The following DOCK3 variants were observed in gnomAD, a reference collection of about 807,000 sequenced individuals.
DOCK3 encodes the protein dedicator of cytokinesis protein 3.
In DOCK3, 60 loss-of-function variants were observed where a neutral mutation model predicts 265.6. The ratio of observed to expected loss-of-function variants is 0.23; its 90% CI spans 0.18 to 0.28. DOCK3 has a LOEUF of 0.28. Ranked by LOEUF, DOCK3 falls within the 10% of genes least tolerant of loss-of-function variation. The pLI is 1.00. For synonymous variants in DOCK3, 881 were observed against 938.0 expected (o/e 0.94, Z 1.11); for missense variants, 1,981 against 2,594.3 (o/e 0.76, Z 5.14).
chr3:50,676,198 A>C (rs2033943705), intron 1 of DOCK3, among the ~76,000 whole-genome samples: 1 of 152,366 alleles, frequency 6.6e-6, no homozygotes, highest in East Asian at 1.9e-4. Context: ...CTGTCTAAAC[A>C]TAGATTTTTG....
At chr3:51,340,861 A>G (rs1046941762) in intron 37 of DOCK3, among the ~76,000 whole-genome samples, 1 of 152,196 alleles carries the variant, frequency 6.6e-6, no homozygotes. Flanking sequence ...AGAAGGTTGG[A>G]AAGGAAGCTG....
intron 9 of DOCK3, among the ~76,000 whole-genome samples, chr3:51,098,312 C>T (rs772445321): frequency 2.0e-5 from 3 of 152,220 alleles, no homozygotes; most frequent in Non-Finnish European, 4.4e-5. Flanking sequence ...GCCTTGGCCT[C>T]CCAAAATGTT....
chr3:51,207,129 A>AT (rs1037832265), intron 12 of DOCK3, among the ~76,000 whole-genome samples: 4 of 152,142 alleles, frequency 2.6e-5, no homozygotes, highest in African/African-American at 9.7e-5. Flanking sequence ...TAAGAAGGAA[A>AT]TGGGCTGAAG....
intron 5 of DOCK3, among the ~76,000 whole-genome samples, chr3:51,009,995 A>C (rs1444258604): frequency 1.3e-5 from 2 of 152,154 alleles, no homozygotes; most frequent in Non-Finnish European, 2.9e-5. Flanking sequence ...GTTTGTTATA[A>C]TTTCTATTCT....
intron 5 of DOCK3, among the ~76,000 whole-genome samples, chr3:51,029,878 C>T (rs2079976926): frequency 6.6e-6 from 1 of 152,060 alleles, no homozygotes; most frequent in Non-Finnish European, 1.5e-5. Context: ...TCTGAAGGGG[C>T]AGGTTCAGCA....
chr3:51,252,805 C>T lies in DOCK3; in HGVS notation c.2184+5998C>T, dbSNP rs2079326975. ...TCCAAATATACAATCATGTCGTCTG[C>T]AAACAGGGACAATTTGACTTCCTCT... is the stretch of plus-strand genomic sequence containing the variant. On this transcript the variant is annotated intron_variant, in intron 22 of 52. Coordinates refer to ENST00000266037, the MANE Select transcript of DOCK3 (RefSeq NM_004947.5). 2.0e-5 allele frequency among the ~76,000 whole-genome samples: 3 copies of T among 152,214 alleles called. No individual in the cohort carries two copies. The South Asian group carries it at 6.2e-4, about 31-fold the overall frequency.
intron 10 of DOCK3, among the ~76,000 whole-genome samples, chr3:51,155,040 G>C (rs1017881357): frequency 6.6e-6 from 1 of 152,106 alleles, no homozygotes; most frequent in South Asian, 2.1e-4. Flanking sequence ...GCAGTGGCCT[G>C]ATCATAGCTC....
chr3:51,048,558 T>C (rs776117699), intron 5 of DOCK3, among the ~76,000 whole-genome samples: 2 of 152,222 alleles, frequency 1.3e-5, no homozygotes, highest in African/African-American at 2.4e-5. Flanking sequence ...CTTTGTATAA[T>C]ATTTTAAATA....
chr3:51,056,207 G>A (rs766018231), intron 5 of DOCK3, among the ~76,000 whole-genome samples: 1 of 152,098 alleles, frequency 6.6e-6, no homozygotes, highest in African/African-American at 2.4e-5. Context: ...TAAAATGAAA[G>A]TTTAGATTCC....
At chr3:51,346,921 G>C (rs1377957356) in intron 38 of DOCK3, among the ~76,000 whole-genome samples, 1 of 152,164 alleles carries the variant, frequency 6.6e-6, no homozygotes, top group Non-Finnish European at 1.5e-5. Flanking sequence ...GTGTCTGTTG[G>C]CTACATAAAT....
chr3:50,895,722 G>A (rs2048863880), intron 4 of DOCK3, among the ~76,000 whole-genome samples: 1 of 151,932 alleles, frequency 6.6e-6, no homozygotes, highest in Admixed American at 6.6e-5. Context: ...ATGTCCATGT[G>A]TTCTCACTGT....
In DOCK3 at chr3:51,069,166, T is replaced by G. The variant is rs188564384; in HGVS notation, c.464+4570T>G. Among the ~76,000 whole-genome samples, 232 of 152,306 alleles carry G rather than the reference T, an allele frequency of 1.5e-3. 1 individual carries two copies. The highest frequency in any genetic ancestry group is 2.8e-3 in the Non-Finnish European group (192 of 68,016). On this transcript the variant is annotated intron_variant, in intron 6 of 52. Transcript: ENST00000266037. ...AATTGTATCAGATAGAAACCGCACT[T>G]TCTACATTGTGCTCTTTATATTTTT...
chr3:51,022,680 G>A (rs1042266904), intron 5 of DOCK3, among the ~76,000 whole-genome samples: 1 of 152,126 alleles, frequency 6.6e-6, no homozygotes, highest in Admixed American at 6.5e-5. Context: ...TGTTTACTCT[G>A]TTGATTGTTT....
intron 22 of DOCK3, among the ~76,000 whole-genome samples, chr3:51,257,238 G>A (rs1055902952): frequency 6.6e-6 from 1 of 152,142 alleles, no homozygotes; most frequent in Non-Finnish European, 1.5e-5. Context: ...CAGCTTATAA[G>A]TCTCCTTCAC....
In DOCK3 at chr3:50,940,130, A is replaced by C. The variant is rs534566458; in HGVS notation, c.315+6053A>C. Among the ~76,000 whole-genome samples the C allele has an allele frequency of 8.6e-5, 13 of 151,794 alleles. No homozygotes were observed. The South Asian group carries it at 2.7e-3, about 32-fold the overall frequency. ...ATAACAATGAATAATTGAAAACTAA[A>C]ATTTAGAACACAGTACCATTTATTA... On this transcript the variant is annotated intron_variant, in intron 5 of 52. Transcript: ENST00000266037.
chr3:51,065,958 A>G (rs2081576737), intron 6 of DOCK3, among the ~76,000 whole-genome samples: 1 of 152,232 alleles, frequency 6.6e-6, no homozygotes, highest in Admixed American at 6.5e-5. Context: ...TTGATAAAGT[A>G]CTTTAAAACA....
rs2042534574 is a variant in DOCK3 at position 50,792,533 on chromosome 3, GT to G, written c.121+13779del. On this transcript the variant is annotated intron_variant, in intron 2 of 52. Coordinates refer to ENST00000266037, the MANE Select transcript of DOCK3 (RefSeq NM_004947.5). ...GAGAGAGCACCTCTGTCTTGTGCCG[GT>G]TTTCAAGGGGAATGCTTCCAGCTTT... Among the ~76,000 whole-genome samples, 4 of 152,260 alleles carry G rather than the reference GT, an allele frequency of 2.6e-5. No homozygotes were observed. The South Asian group carries it at 8.3e-4, about 32-fold the overall frequency.
At chr3:51,054,397 A>G (rs1228878476) in intron 5 of DOCK3, among the ~76,000 whole-genome samples, 1 of 152,128 alleles carries the variant, frequency 6.6e-6, no homozygotes, top group African/African-American at 2.4e-5. Context: ...AAAATTTAGT[A>G]GTATCTCTTT....
At position 51,374,535 on chromosome 3, in the gene DOCK3, G is replaced by A. The variant is rs748211515; in HGVS notation, c.5360G>A (p.Arg1787Gln). The change falls in exon 50 of 53, where the codon CGG (arginine) becomes CAG (glutamine). Residue 1787 changes from arginine to glutamine, a missense_variant. By Grantham distance (43) the Arg-to-Gln change is conservative. Around this residue, in one of 4 missense-constraint regions of DOCK3, gnomAD observed 1,357 missense variants for 1,866.8 expected, o/e 0.73. Coordinates refer to ENST00000266037, the MANE Select transcript of DOCK3 (RefSeq NM_004947.5). This position sits in a 1 kb window ranked among gnomAD's most constrained non-coding sequence, Gnocchi z 4.8. ...REMMLLLPTYRDRPSSAMYPA... is the reference protein window; with the variant it reads ...REMMLLLPTYQDRPSSAMYPA... ...ATGATGTTGTTGCTGCCCACATACC[G>A]GGACCGCCCAAGCAGTGCCATGTAT... 19 of 1,613,674 alleles carry A rather than the reference G, an allele frequency of 1.2e-5. No individual in the cohort carries two copies. The highest frequency in any genetic ancestry group is 6.7e-5 in the African/African-American group (5 of 74,888).
Sources: gnomAD v4.1 joint callset for allele counts (sites outside exome capture counted in the v4.1 genomes callset) on GRCh38, gnomAD v4.1.1 for gene constraint, gnomAD v4.1.1 regional missense constraint, Gnocchi (gnomAD v3.1) non-coding constraint, MANE v1.5 for transcripts, NCBI Gene and HGNC (gene_info 2026-07-23, HGNC 2026-07-21) for gene names.